Variants in EYA1 observed in about 807,000 individuals in gnomAD.
The protein encoded by EYA1 is protein phosphatase EYA1.
Under a neutral mutation model 82.0 loss-of-function variants are expected in EYA1, and 16 were observed. That is an observed-to-expected ratio of 0.20 (90% CI 0.13 to 0.30). The LOEUF (loss-of-function observed/expected upper bound fraction) is 0.30, where lower values mean the gene tolerates loss of function less well. Ranked by LOEUF, EYA1 falls within the 10% of genes least tolerant of loss-of-function variation. EYA1 has a pLI of 1.00. For missense variants in EYA1, 633 were observed against 730.7 expected, an observed-to-expected ratio of 0.87 and a Z score of 1.54; for synonymous variants, 261 against 264.4, an observed-to-expected ratio of 0.99 and a Z score of 0.12.
At chr8:71,265,211 G>A (rs1210348053) in intron 11 of EYA1, among the ~76,000 whole-genome samples, 3 of 151,798 alleles carry the variant, frequency 2.0e-5, no homozygotes, top group Admixed American at 2.0e-4. Flanking sequence ...AAATATAACT[G>A]GTATTTGTTG....
intron 4 of EYA1, 93 bp from the exon 5 acceptor site, chr8:71,322,361 G>A (rs912192955): frequency 6.3e-5 from 71 of 1,120,444 alleles, no homozygotes; most frequent in Non-Finnish European, 8.8e-5. Context: ...ACTATAGGTT[G>A]GCCATATGAA....
chr8:71,406,145 C>T (rs1196435883), intron 2 of EYA1, among the ~76,000 whole-genome samples: 1 of 152,072 alleles, frequency 6.6e-6, no homozygotes, highest in Non-Finnish European at 1.5e-5. Flanking sequence ...AGCTGTAAAA[C>T]AACAGCAACA....
At chr8:71,312,528 C>T (rs1057315734) in intron 7 of EYA1, among the ~76,000 whole-genome samples, 2 of 152,198 alleles carry the variant, frequency 1.3e-5, no homozygotes, top group Non-Finnish European at 2.9e-5. Context: ...CTCACTGAAC[C>T]TCACGGTCCC....
intron 3 of EYA1, among the ~76,000 whole-genome samples, chr8:71,339,112 T>C (rs968084054): frequency 1.3e-5 from 2 of 152,120 alleles, no homozygotes; most frequent in African/African-American, 4.8e-5. Context: ...AAATATCACC[T>C]TTGACCTCAT....
At chr8:71,220,182 GAACA>G (rs1253009278) in intron 12 of EYA1, among the ~76,000 whole-genome samples, 14 of 152,138 alleles carry the variant, frequency 9.2e-5, no homozygotes, top group African/African-American at 3.4e-4. Flanking sequence ...GTAGAGTACA[GAACA>G]TACATAATTC....
chr8:71,342,891 C>T (rs961198442), intron 3 of EYA1, among the ~76,000 whole-genome samples: 1 of 152,110 alleles, frequency 6.6e-6, no homozygotes, highest in Non-Finnish European at 1.5e-5. Context: ...CTGTGAGCTC[C>T]TTAAGACAGG....
intron 2 of EYA1, among the ~76,000 whole-genome samples, chr8:71,467,728 A>C (rs936392417): frequency 6.6e-6 from 1 of 152,310 alleles, no homozygotes; most frequent in Non-Finnish European, 1.5e-5. Flanking sequence ...ATACTGGCAG[A>C]AATGATACAT....
intron 2 of EYA1, among the ~76,000 whole-genome samples, chr8:71,512,283 A>C (rs948508604): frequency 2.0e-5 from 3 of 152,184 alleles, no homozygotes; most frequent in Admixed American, 2.0e-4. Context: ...AAGATGTCCA[A>C]TAGACCAGAG....
intron 7 of EYA1, 119 bp from the exon 8 acceptor site, chr8:71,299,839 G>A: frequency 7.1e-6 from 5 of 704,412 alleles, no homozygotes; most frequent in Non-Finnish European, 5.2e-6. Flanking sequence ...ACTAGAATCT[G>A]TTGTCATGTC....
intron 16 of EYA1, among the ~76,000 whole-genome samples, chr8:71,212,427 C>T (rs1489412241): frequency 6.6e-6 from 1 of 152,160 alleles, no homozygotes; most frequent in Non-Finnish European, 1.5e-5. Context: ...CCAAAAACTT[C>T]GATGTCATGA....
At chr8:71,388,773 A>G (rs1164308289) in intron 2 of EYA1, among the ~76,000 whole-genome samples, 2 of 152,174 alleles carry the variant, frequency 1.3e-5, no homozygotes, top group Non-Finnish European at 2.9e-5. Flanking sequence ...GGTCAGAGGA[A>G]GTACATTTTA....
In EYA1 at chr8:71,514,695, G is replaced by T. The variant is rs187387397; in HGVS notation, c.33+21049C>A. Among the ~76,000 whole-genome samples the T allele has an allele frequency of 2.2e-3, 332 of 152,122 alleles. 2 individuals carry two copies. Among genetic ancestry groups the T allele is most frequent in the African/African-American group, 7.7e-3 (319 of 41,502 alleles). On this transcript the variant is annotated intron_variant, in intron 2 of 18. Transcript: ENST00000643681. ...CACAAGAATAGCACAGGAAAGATGG[G>T]CCCCCATGATTCAATTACCTCCCCC...
intron 4 of EYA1, 72 bp from the exon 5 acceptor site, chr8:71,322,340 A>ACCCAGCCATCC: frequency 7.6e-7 from 1 of 1,321,642 alleles, no homozygotes; most frequent in Non-Finnish European, 1.1e-6. Flanking sequence ...GAAAGCACTG[A>ACCCAGCCATCC]CATATTTTCA....
At chr8:71,310,679 GT>G (rs1331453956) in intron 7 of EYA1, among the ~76,000 whole-genome samples, 1 of 152,024 alleles carries the variant, frequency 6.6e-6, no homozygotes, top group Non-Finnish European at 1.5e-5. Flanking sequence ...GGGCATTTAG[GT>G]TGATTCCATA....
chr8:71,259,941 G>A (rs143494795), intron 11 of EYA1, among the ~76,000 whole-genome samples: 76 of 152,208 alleles, frequency 5.0e-4, no homozygotes, highest in African/African-American at 1.8e-3. Flanking sequence ...CAAGTGACAA[G>A]TATTACATTA....
In EYA1 at chr8:71,282,325, C is replaced by T. The variant is rs115135539; in HGVS notation, c.827-10428G>A. 2.0e-3 allele frequency among the ~76,000 whole-genome samples: 312 copies of T among 152,338 alleles called. 2 individuals are homozygous for T. Among genetic ancestry groups the T allele is most frequent in the African/African-American group, 7.1e-3 (297 of 41,572 alleles). Reference sequence around the variant, plus strand: ...TTCCACTTCCTCTAGATTCTGCCCTCTTTCTCTACTGCCTTACAGTGTACA... The same window carrying T: ...TTCCACTTCCTCTAGATTCTGCCCTTTTTCTCTACTGCCTTACAGTGTACA... On this transcript the variant is annotated intron_variant, in intron 9 of 17. Transcript: ENST00000340726.
chr8:71,362,155 C>CTTTTTTTTTTT (rs35320129), upstream of EYA1: 448 of 823,746 alleles, frequency 5.4e-4, no homozygotes, highest in East Asian at 1.5e-3. Context: ...TCGGGGCTTT[C>CTTTTTTTTTTT]TTTTTTTTTT....
chr8:71,262,596 T>C (rs1363613665), intron 11 of EYA1, among the ~76,000 whole-genome samples: 1 of 152,216 alleles, frequency 6.6e-6, no homozygotes, highest in Non-Finnish European at 1.5e-5. Flanking sequence ...GGCAGGCCAG[T>C]GCAGTGGTTA....
intron 9 of EYA1, among the ~76,000 whole-genome samples, chr8:71,274,089 A>G (rs1157785225): frequency 6.6e-6 from 1 of 152,234 alleles, no homozygotes; most frequent in Admixed American, 6.5e-5. Context: ...CCTCTTTCCA[A>G]AAGAAAATAA....
Sources: gnomAD v4.1 joint callset for allele counts (sites outside exome capture counted in the v4.1 genomes callset) on GRCh38, gnomAD v4.1.1 for gene constraint, MANE v1.5 for transcripts, NCBI Gene and HGNC (gene_info 2026-07-23, HGNC 2026-07-21) for gene names.